REDIC1: variants seen among roughly 807,000 people sequenced by gnomAD.
REDIC1 encodes regulator of DNA class I crossover intermediates 1.
the REDIC1 span, among the ~76,000 whole-genome samples, chr12:39,647,496 G>A: frequency 1.3e-4 from 19 of 151,936 alleles, no homozygotes; most frequent in Admixed American, 6.6e-4. Flanking sequence ...TGGATTATGG[G>A]TTAATGAAAC....
chr12:39,854,286 G>C, the REDIC1 span, among the ~76,000 whole-genome samples: 1 of 151,992 alleles, frequency 6.6e-6, no homozygotes, highest in South Asian at 2.1e-4. Context: ...GAAAGTTTAA[G>C]GGTAATAGGT....
chr12:39,712,220 A>C, the REDIC1 span, among the ~76,000 whole-genome samples: 11 of 143,206 alleles, frequency 7.7e-5, no homozygotes, highest in Admixed American at 1.4e-4. Flanking sequence ...GTATATATAC[A>C]TGTATATATA....
the REDIC1 span, among the ~76,000 whole-genome samples, chr12:39,661,368 T>C: frequency 3.3e-5 from 5 of 152,154 alleles, no homozygotes; most frequent in Non-Finnish European, 5.9e-5. Flanking sequence ...AGATGATACC[T>C]TATCGTGATT....
At chr12:39,721,147 A>G in the REDIC1 span, 1 of 1,613,752 alleles carries the variant, frequency 6.2e-7, no homozygotes, top group Non-Finnish European at 8.5e-7. Context: ...TCTAATTTCA[A>G]AATGTACATG....
the REDIC1 span, among the ~76,000 whole-genome samples, chr12:39,731,783 G>C: frequency 6.6e-6 from 1 of 151,852 alleles, no homozygotes; most frequent in African/African-American, 2.4e-5. Flanking sequence ...TGTGTCTCAG[G>C]GAGATGGGAG....
chr12:39,752,140 C>T, the REDIC1 span, among the ~76,000 whole-genome samples: 1 of 152,154 alleles, frequency 6.6e-6, no homozygotes, highest in Non-Finnish European at 1.5e-5. Flanking sequence ...TGCTTTCATG[C>T]AGTGTATCTT....
At chr12:39,823,248 T>C in the REDIC1 span, among the ~76,000 whole-genome samples, 1 of 152,210 alleles carries the variant, frequency 6.6e-6, no homozygotes, top group Non-Finnish European at 1.5e-5. Flanking sequence ...ATAAAATTTA[T>C]GTTGGTAAAA....
At chr12:39,728,018 T>C in the REDIC1 span, among the ~76,000 whole-genome samples, 1 of 152,236 alleles carries the variant, frequency 6.6e-6, no homozygotes, top group Non-Finnish European at 1.5e-5. Context: ...CCTGAGACTT[T>C]CCTGAAGTTG....
At chr12:39,680,404 T>C in the REDIC1 span, among the ~76,000 whole-genome samples, 1 of 152,066 alleles carries the variant, frequency 6.6e-6, no homozygotes, top group Admixed American at 6.5e-5. Flanking sequence ...ATGGAGGAAA[T>C]GCAAATCAAA....
chr12:39,813,231 G>T, the REDIC1 span, among the ~76,000 whole-genome samples: 2 of 151,412 alleles, frequency 1.3e-5, no homozygotes, highest in African/African-American at 4.9e-5. Flanking sequence ...TATTCTGTTT[G>T]TTTCTTAGCT....
the REDIC1 span, among the ~76,000 whole-genome samples, chr12:39,800,396 C>T: frequency 6.6e-6 from 1 of 150,514 alleles, no homozygotes. Context: ...AACAAATTTA[C>T]AAGAAAAAAA....
the REDIC1 span, among the ~76,000 whole-genome samples, chr12:39,705,758 A>G: frequency 1.3e-5 from 2 of 152,144 alleles, no homozygotes; most frequent in East Asian, 3.9e-4. Flanking sequence ...ATAAAATTTA[A>G]CATCCCTTCA....
At chr12:39,701,541 G>T in the REDIC1 span, among the ~76,000 whole-genome samples, 1 of 151,960 alleles carries the variant, frequency 6.6e-6, no homozygotes, top group Non-Finnish European at 1.5e-5. Flanking sequence ...GAGACAGAAG[G>T]TCAGCAAGGA....
the REDIC1 span, among the ~76,000 whole-genome samples, chr12:39,688,762 GAGAGA>G: frequency 6.6e-6 from 1 of 152,174 alleles, no homozygotes; most frequent in East Asian, 1.9e-4. Context: ...AGGATGAAAT[GAGAGA>G]AGAGAAGATT....
At chr12:39,691,021 G>A in the REDIC1 span, among the ~76,000 whole-genome samples, 2 of 152,088 alleles carry the variant, frequency 1.3e-5, no homozygotes, top group African/African-American at 4.8e-5. Flanking sequence ...ATTTTTAAAT[G>A]ATAAGATAGA....
the REDIC1 span, among the ~76,000 whole-genome samples, chr12:39,733,417 G>T: frequency 3.3e-5 from 5 of 151,888 alleles, no homozygotes; most frequent in Non-Finnish European, 7.4e-5. Context: ...TTATCAATTT[G>T]TTGGATCTTC....
chr12:39,728,984 T>G, the REDIC1 span, among the ~76,000 whole-genome samples: 2 of 152,136 alleles, frequency 1.3e-5, no homozygotes, highest in Non-Finnish European at 2.9e-5. Flanking sequence ...GTAGTTTGTA[T>G]TTCTGTGGGA....
At chr12:39,834,476 T>A in the REDIC1 span, among the ~76,000 whole-genome samples, 1 of 152,058 alleles carries the variant, frequency 6.6e-6, no homozygotes. Context: ...CTTCCCTTTA[T>A]CCTTTCAAAT....
chr12:39,694,028 C>T, the REDIC1 span, among the ~76,000 whole-genome samples: 37 of 152,276 alleles, frequency 2.4e-4, no homozygotes, highest in African/African-American at 7.2e-4. Context: ...TTTTAGTTTG[C>T]GCTTCGCTCT....
Sources: allele counts gnomAD v4.1 joint callset (sites outside exome capture counted in the v4.1 genomes callset), GRCh38; gene constraint gnomAD v4.1.1; transcripts MANE v1.5; gene names NCBI Gene and HGNC (gene_info 2026-07-23, HGNC 2026-07-21).